The following PAH variants were observed in gnomAD, a reference collection of about 807,000 sequenced individuals.
The protein encoded by PAH is phenylalanine hydroxylase, also known as phenylalanine-4-hydroxylase.
In PAH, 64 loss-of-function variants were observed where a neutral mutation model predicts 62.0. The observed-to-expected ratio is 1.03, with a 90% CI of 0.84 to 1.27. PAH has a LOEUF of 1.27. PAH is among the 50% of genes most tolerant of loss of function. PAH has a pLI of 0.00. For missense variants in PAH, 579 were observed against 542.8 expected (o/e 1.07, Z -0.66); for synonymous variants, 195 against 196.2 (o/e 0.99, Z 0.05).
chr12:102,855,307 A>T lies in PAH; in HGVS notation c.535T>A (p.Tyr179Asn), dbSNP rs199475671. ...CATGTTTTCTTTTCTTCCTCCATGT[A>T]TTCCACTCGAGGGATGGGCTGCCCA... ...RHGQPIPRVE[Y>N]MEEEKKTWGT... is the part of the protein sequence containing the mutation. Residue 179 changes from tyrosine to asparagine, a missense_variant, in exon 6 of 13, where the codon TAC becomes AAC. Tyr to Asn is a moderately radical substitution (Grantham distance 143). Transcript: ENST00000553106. 1 of 1,613,944 alleles carries T rather than the reference A, an allele frequency of 6.2e-7. No individual in the cohort carries two copies. The highest frequency in any genetic ancestry group is 8.5e-7 in the Non-Finnish European group (1 of 1,179,984).
chr12:102,876,676 G>T (rs575555902), intron 4 of PAH, among the ~76,000 whole-genome samples: 2 of 152,134 alleles, frequency 1.3e-5, no homozygotes, highest in African/African-American at 4.8e-5. Flanking sequence ...CCTTCCCACC[G>T]ATGGAGGCTG....
chr12:102,909,913 C>T (rs535836776), intron 2 of PAH, among the ~76,000 whole-genome samples: 14 of 152,188 alleles, frequency 9.2e-5, no homozygotes, highest in East Asian at 3.9e-4. Context: ...GAGCTGAGAT[C>T]GCACCACTAC....
intron 1 of PAH, among the ~76,000 whole-genome samples, chr12:102,929,666 G>A (rs1878791931): frequency 6.6e-6 from 1 of 152,186 alleles, no homozygotes; most frequent in South Asian, 2.1e-4. Context: ...GGTATCGAAA[G>A]CAGCTAATAG....
At chr12:102,911,763 C>T (rs568814559) in intron 2 of PAH, among the ~76,000 whole-genome samples, 38 of 152,314 alleles carry the variant, frequency 2.5e-4, no homozygotes, top group African/African-American at 8.7e-4. Flanking sequence ...GATATCTAAT[C>T]GTATCCAGTC....
chr12:102,873,905 T>C (rs758665006), intron 4 of PAH, among the ~76,000 whole-genome samples: 1 of 152,242 alleles, frequency 6.6e-6, no homozygotes. Flanking sequence ...TTTCTCTCTT[T>C]GATCATGGGA....
intron 4 of PAH, among the ~76,000 whole-genome samples, chr12:102,870,545 CAG>C (rs746356609): frequency 1.9e-4 from 29 of 152,188 alleles, no homozygotes; most frequent in Non-Finnish European, 3.4e-4. Context: ...AATCCAAAGA[CAG>C]AGAAGTCTGG....
At chr12:102,844,293 C>T (rs1874729947) in intron 10 of PAH, 43 bp downstream of exon 10, 1 of 1,345,944 alleles carries the variant, frequency 7.4e-7, no homozygotes, top group African/African-American at 1.4e-5. Context: ...TTTTCTGTAC[C>T]CACCACTTTT....
intron 1 of PAH, among the ~76,000 whole-genome samples, chr12:102,943,937 C>T (rs35227757): frequency 6.6e-6 from 1 of 152,082 alleles, no homozygotes; most frequent in Admixed American, 6.5e-5. Context: ...TACTATGTTC[C>T]CTACATGGGT....
chr12:102,895,867 A>ATATAT (rs1490050011), intron 2 of PAH, among the ~76,000 whole-genome samples: 634 of 126,022 alleles, frequency 5.0e-3, no homozygotes, highest in African/African-American at 0.012. Flanking sequence ...AAAAAAAAAA[A>ATATAT]AAATATATAT....
intron 1 of PAH, among the ~76,000 whole-genome samples, chr12:102,938,201 TCCCCACCATGGGGAAAGGGTGCGTGAG>T (rs1306983546): frequency 6.6e-6 from 1 of 151,900 alleles, no homozygotes; most frequent in Non-Finnish European, 1.5e-5. Context: ...CAAGGGAGTA[TCCCCACCATGGGGAAAGGGTGCGTGAG>T]CAAGAGGCCC....
intron 2 of PAH, among the ~76,000 whole-genome samples, chr12:102,905,080 GA>G (rs777976172): frequency 3.9e-5 from 6 of 152,102 alleles, no homozygotes; most frequent in Non-Finnish European, 7.4e-5. Context: ...AGGGGTAAAG[GA>G]ATAAAAATTG....
intron 2 of PAH, among the ~76,000 whole-genome samples, chr12:102,896,525 C>T (rs1877510413): frequency 6.6e-6 from 1 of 152,182 alleles, no homozygotes; most frequent in Non-Finnish European, 1.5e-5. Flanking sequence ...CCAAGCAAGT[C>T]CTGTCAAGAG....
At chr12:102,943,692 A>C (rs1166045486) in intron 1 of PAH, among the ~76,000 whole-genome samples, 2 of 152,232 alleles carry the variant, frequency 1.3e-5, no homozygotes, top group Non-Finnish European at 2.9e-5. Context: ...CTGGATAAGG[A>C]AAATGTACGA....
At chr12:102,883,344 GCAC>G (rs1385225774) in intron 3 of PAH, among the ~76,000 whole-genome samples, 1 of 152,152 alleles carries the variant, frequency 6.6e-6, no homozygotes, top group African/African-American at 2.4e-5. Flanking sequence ...CAGTCAGGGT[GCAC>G]CACCTTGACT....
At chr12:102,841,483 A>C (rs945729986) in intron 11 of PAH, among the ~76,000 whole-genome samples, 5 of 152,088 alleles carry the variant, frequency 3.3e-5, no homozygotes. Flanking sequence ...CCTTGTGACC[A>C]TGGGCACAGG....
At chr12:102,948,872 C>T (rs904496345) in intron 1 of PAH, among the ~76,000 whole-genome samples, 1 of 152,174 alleles carries the variant, frequency 6.6e-6, no homozygotes, top group Non-Finnish European at 1.5e-5. Flanking sequence ...TCAGTTATCT[C>T]TAATGGGAGT....
chr12:102,895,836 C>T (rs1434017062), intron 2 of PAH, among the ~76,000 whole-genome samples: 3 of 130,402 alleles, frequency 2.3e-5, no homozygotes, highest in Non-Finnish European at 4.7e-5. Context: ...GCCTGGGCGA[C>T]AGAGCGAGAC....
At chr12:102,843,013 C>A (rs1565841824) in intron 11 of PAH, among the ~76,000 whole-genome samples, 1 of 152,180 alleles carries the variant, frequency 6.6e-6, no homozygotes, top group Non-Finnish European at 1.5e-5. Flanking sequence ...AGTCCCAGAA[C>A]CACTCCATCA....
intron 5 of PAH, among the ~76,000 whole-genome samples, chr12:102,861,121 C>T (rs1875696541): frequency 6.6e-6 from 1 of 152,164 alleles, no homozygotes; most frequent in South Asian, 2.1e-4. Flanking sequence ...CTACAAAGAA[C>T]TCAAACAAAT....
Sources: gnomAD v4.1 joint callset for allele counts (sites outside exome capture counted in the v4.1 genomes callset) on GRCh38, gnomAD v4.1.1 for gene constraint, MANE v1.5 for transcripts, NCBI Gene and HGNC (gene_info 2026-07-23, HGNC 2026-07-21) for gene names.